CNBD1: variants seen among roughly 807,000 people sequenced by gnomAD.
The protein encoded by CNBD1 is cyclic nucleotide-binding domain-containing protein 1.
A neutral mutation model predicts 54.4 loss-of-function variants in CNBD1; 71 were observed. That is an observed-to-expected ratio of 1.30 (90% CI 1.08 to 1.59). The LOEUF is 1.59. Ranked by LOEUF, CNBD1 falls within the 40% of genes most tolerant of loss-of-function variation. The probability of loss-of-function intolerance (pLI) is 0.00; values close to 1 mark genes in which losing one functional copy is unlikely to be tolerated. For missense variants in CNBD1, 659 were observed against 518.0 expected, an observed-to-expected ratio of 1.27 and a Z score of -2.64; for synonymous variants, 182 against 170.7, an observed-to-expected ratio of 1.07 and a Z score of -0.51.
intron 8 of CNBD1, among the ~76,000 whole-genome samples, chr8:87,289,375 G>T (rs1408986776): frequency 1.3e-5 from 2 of 152,052 alleles, no homozygotes; most frequent in African/African-American, 4.8e-5. Context: ...TATAATTTGG[G>T]TGTGTCCAGT....
At chr8:87,226,469 T>G (rs1038364426) in intron 5 of CNBD1, among the ~76,000 whole-genome samples, 45 of 148,736 alleles carry the variant, frequency 3.0e-4, no homozygotes, top group Middle Eastern at 7.0e-3. Flanking sequence ...TCAAAGAACA[T>G]CTTTATTTCT....
chr8:87,342,743 C>T (rs1003353580), intron 8 of CNBD1, among the ~76,000 whole-genome samples: 4 of 152,010 alleles, frequency 2.6e-5, no homozygotes, highest in Non-Finnish European at 5.9e-5. Flanking sequence ...GGAGGGGGCA[C>T]ACGAACAGGG....
At chr8:87,371,138 G>A (rs1415888508) in intron 10 of CNBD1, among the ~76,000 whole-genome samples, 1 of 151,742 alleles carries the variant, frequency 6.6e-6, no homozygotes, top group East Asian at 1.9e-4. Context: ...TAGCCTTGTA[G>A]TATAGTTTGA....
chr8:86,904,489 C>A (rs528111089), intron 2 of CNBD1, among the ~76,000 whole-genome samples: 2 of 152,044 alleles, frequency 1.3e-5, no homozygotes, highest in Non-Finnish European at 2.9e-5. Context: ...TAAGAGTCAT[C>A]CTGAGGAATA....
intron 8 of CNBD1, among the ~76,000 whole-genome samples, chr8:87,319,315 C>T (rs1227454820): frequency 2.6e-5 from 4 of 151,900 alleles, no homozygotes; most frequent in Non-Finnish European, 5.9e-5. Context: ...AACTGGGGCC[C>T]AATAAAAGGC....
chr8:87,290,291 ACAT>A (rs1563539585), intron 8 of CNBD1, among the ~76,000 whole-genome samples: 1 of 152,124 alleles, frequency 6.6e-6, no homozygotes. Flanking sequence ...ATTATATTAG[ACAT>A]CATATTTACC....
At chr8:87,230,432 C>A (rs1314588841) in intron 5 of CNBD1, among the ~76,000 whole-genome samples, 2 of 152,246 alleles carry the variant, frequency 1.3e-5, no homozygotes, top group East Asian at 3.9e-4. Context: ...TTTATACATA[C>A]ACATCACTAC....
intron 4 of CNBD1, among the ~76,000 whole-genome samples, chr8:87,119,303 T>C (rs1811844274): frequency 6.6e-6 from 1 of 151,458 alleles, no homozygotes; most frequent in Non-Finnish European, 1.5e-5. Context: ...TTTTACTTCT[T>C]GGGTTAAATT....
At chr8:87,426,404 G>T (rs188209115) in intron 2 of CNBD1, among the ~76,000 whole-genome samples, 3 of 152,270 alleles carry the variant, frequency 2.0e-5, no homozygotes, top group Admixed American at 2.0e-4. Flanking sequence ...TGTAAGGTTG[G>T]TATAAAAACT....
chr8:87,301,374 C>A (rs143681461), intron 8 of CNBD1, among the ~76,000 whole-genome samples: 3 of 152,086 alleles, frequency 2.0e-5, no homozygotes, highest in Non-Finnish European at 4.4e-5. Flanking sequence ...AATACCAAAA[C>A]CAGGAAAAGA....
At chr8:87,069,061 A>G (rs1427481583) in intron 4 of CNBD1, among the ~76,000 whole-genome samples, 2 of 152,096 alleles carry the variant, frequency 1.3e-5, no homozygotes, top group African/African-American at 2.4e-5. Context: ...CTTTGTTTCT[A>G]TAAACTACAC....
chr8:87,421,538 T>C (rs1049826613), intron 2 of CNBD1, among the ~76,000 whole-genome samples: 1 of 151,354 alleles, frequency 6.6e-6, no homozygotes, highest in African/African-American at 2.4e-5. Flanking sequence ...TGGTTTTTTG[T>C]TCTTGCGATA....
Position 87,341,959 on chromosome 8 carries a change from A to T in CNBD1, c.1043-9726A>T, listed in dbSNP as rs191236107. 4.3e-3 allele frequency among the ~76,000 whole-genome samples: 662 copies of T among 152,280 alleles called. 3 individuals carry two copies. The highest frequency in any genetic ancestry group is 3.7e-3 in the Non-Finnish European group (251 of 68,026). On this transcript the variant is annotated intron_variant, in intron 8 of 10. Coordinates refer to ENST00000518476, the MANE Select transcript of CNBD1 (RefSeq NM_173538.3). ...CTCAGATACAGAAGCCTCTTAATGG[A>T]TTTCTGGGTTTCTTACAAACAAAAC...
At chr8:87,295,336 C>T (rs962305844) in intron 8 of CNBD1, among the ~76,000 whole-genome samples, 1 of 151,872 alleles carries the variant, frequency 6.6e-6, no homozygotes, top group Non-Finnish European at 1.5e-5. Context: ...TAATTTCTTA[C>T]TCAGAATTTA....
intron 4 of CNBD1, among the ~76,000 whole-genome samples, chr8:87,124,575 G>T (rs987540153): frequency 6.6e-6 from 1 of 151,670 alleles, no homozygotes. Context: ...AATGGACATA[G>T]AAAAATCATT....
At chr8:87,367,020 G>A (rs889271610) in intron 10 of CNBD1, among the ~76,000 whole-genome samples, 1 of 151,988 alleles carries the variant, frequency 6.6e-6, no homozygotes, top group African/African-American at 2.4e-5. Flanking sequence ...GGAATCCAGA[G>A]ATAACTTCAG....
chr8:87,098,122 A>T (rs942865696), intron 4 of CNBD1, among the ~76,000 whole-genome samples: 1 of 152,218 alleles, frequency 6.6e-6, no homozygotes, highest in Admixed American at 6.5e-5. Context: ...ACAAAGTTAC[A>T]TAACTCATGA....
At chr8:87,407,542 A>G (rs995473751) in intron 2 of CNBD1, among the ~76,000 whole-genome samples, 1 of 152,026 alleles carries the variant, frequency 6.6e-6, no homozygotes, top group African/African-American at 2.4e-5. Flanking sequence ...TATAATTAAT[A>G]TATATATTCA....
chr8:87,210,926 T>A (rs1814084253), intron 5 of CNBD1, among the ~76,000 whole-genome samples: 1 of 152,154 alleles, frequency 6.6e-6, no homozygotes, highest in South Asian at 2.1e-4. Flanking sequence ...CCCCAGCATG[T>A]TAGATCTACT....
Sources: gnomAD v4.1 joint callset for allele counts (sites outside exome capture counted in the v4.1 genomes callset) on GRCh38, gnomAD v4.1.1 for gene constraint, MANE v1.5 for transcripts, NCBI Gene and HGNC (gene_info 2026-07-23, HGNC 2026-07-21) for gene names.